Variants in BMERB1 observed in about 807,000 individuals in gnomAD.
The protein encoded by BMERB1 is bMERB domain containing 1.
BMERB1 carries 12 observed loss-of-function variants against 23.6 expected under a neutral mutation model. That is an observed-to-expected ratio of 0.51 (90% CI 0.33 to 0.82). The LOEUF (loss-of-function observed/expected upper bound fraction) is 0.82. Ranked by LOEUF, BMERB1 falls within the 40% of genes least tolerant of loss-of-function variation. BMERB1 has a pLI of 0.03. For missense variants in BMERB1, 247 were observed against 255.4 expected (o/e 0.97, Z 0.22); for synonymous variants, 122 against 96.6 (o/e 1.26, Z -1.54).
At position 15,530,746 on chromosome 16, in the gene BMERB1, G is replaced by T. The variant is rs2051958713; in HGVS notation, c.230+15318G>T. Among the ~76,000 whole-genome samples the T allele has an allele frequency of 1.3e-5, 2 of 152,104 alleles. 1 individual carries two copies. The highest frequency in any genetic ancestry group is 3.9e-4 in the East Asian group (2 of 5,188). ...TTATCATGATAGTGAGTTCTCATGAGATCTGATGGTTTTATAAGCATCTGG... is the reference window on the plus strand; with the variant it reads ...TTATCATGATAGTGAGTTCTCATGATATCTGATGGTTTTATAAGCATCTGG... On this transcript the variant is annotated intron_variant, in intron 2 of 5. Coordinates refer to ENST00000300006, the MANE Select transcript of BMERB1 (RefSeq NM_033201.3).
chr16:15,495,340 C>T (rs964785870), intron 1 of BMERB1, among the ~76,000 whole-genome samples: 10 of 152,010 alleles, frequency 6.6e-5, no homozygotes, highest in African/African-American at 1.4e-4. Context: ...GGACTGTAGG[C>T]GTGCACCACC....
At chr16:15,450,373 A>G (rs1164035463) in intron 1 of BMERB1, among the ~76,000 whole-genome samples, 2 of 152,186 alleles carry the variant, frequency 1.3e-5, no homozygotes, top group Non-Finnish European at 2.9e-5. Flanking sequence ...TCCTTAGCTC[A>G]AGGGCCATAG....
intron 1 of BMERB1, among the ~76,000 whole-genome samples, chr16:15,477,547 C>T (rs1170831749): frequency 6.6e-6 from 1 of 152,092 alleles, no homozygotes; most frequent in Non-Finnish European, 1.5e-5. Flanking sequence ...AAGAGGATTA[C>T]TTGAGCCTGG....
At chr16:15,527,384 C>T (rs1027507762) in intron 2 of BMERB1, among the ~76,000 whole-genome samples, 2 of 152,194 alleles carry the variant, frequency 1.3e-5, no homozygotes, top group Admixed American at 6.6e-5. Flanking sequence ...GTGGGTGGAT[C>T]GCCTGAGCTC....
chr16:15,518,129 T>A (rs2150953643), intron 2 of BMERB1, among the ~76,000 whole-genome samples: 1 of 152,316 alleles, frequency 6.6e-6, no homozygotes, highest in African/African-American at 2.4e-5. Context: ...CTAGCATTTC[T>A]TAAGAGGCAG....
intron 1 of BMERB1, among the ~76,000 whole-genome samples, chr16:15,481,315 AG>A (rs2051318712): frequency 6.6e-6 from 1 of 152,154 alleles, no homozygotes. Context: ...TCACGAGGTC[AG>A]GGGATCGAGA....
intron 2 of BMERB1, among the ~76,000 whole-genome samples, chr16:15,532,431 T>C (rs1036771027): frequency 2.6e-5 from 4 of 152,046 alleles, no homozygotes; most frequent in East Asian, 3.9e-4. Flanking sequence ...GGTTTCACCA[T>C]ATTGGCCGGG....
At chr16:15,497,919 C>T (rs368069492) in intron 1 of BMERB1, among the ~76,000 whole-genome samples, 3 of 152,196 alleles carry the variant, frequency 2.0e-5, no homozygotes, top group African/African-American at 7.2e-5. Context: ...GCACTCAATG[C>T]ATATCTCTCC....
At chr16:15,462,743 A>T (rs1482989381) in intron 1 of BMERB1, among the ~76,000 whole-genome samples, 1 of 152,160 alleles carries the variant, frequency 6.6e-6, no homozygotes, top group Non-Finnish European at 1.5e-5. Context: ...TGGAGAGAGG[A>T]GAAGCAATTG....
At chr16:15,436,031 T>C (rs2050885137) in intron 1 of BMERB1, among the ~76,000 whole-genome samples, 1 of 152,072 alleles carries the variant, frequency 6.6e-6, no homozygotes, top group Non-Finnish European at 1.5e-5. Flanking sequence ...GGGCTGAGGG[T>C]CTCTGTTTCT....
chr16:15,560,825 A>C (rs1472590408), intron 2 of BMERB1, among the ~76,000 whole-genome samples: 4 of 151,894 alleles, frequency 2.6e-5, no homozygotes, highest in Non-Finnish European at 4.4e-5. Flanking sequence ...ATAAATAAAA[A>C]TAAAAACTTT....
At position 15,527,337 on chromosome 16, in the gene BMERB1, G is replaced by T. The variant is rs1018619884; in HGVS notation, c.230+11909G>T. Among the ~76,000 whole-genome samples, 12 of 152,326 alleles carry T rather than the reference G, an allele frequency of 7.9e-5. 1 individual carries two copies. The highest frequency in any genetic ancestry group is 7.8e-4 in the Admixed American group (12 of 15,302). Reference sequence around the variant, plus strand: ...AACAGGAATCAGGCCAGGCGCTGTGGCTCACGCCTGTAATCCCAGCACTTT... The same window carrying T: ...AACAGGAATCAGGCCAGGCGCTGTGTCTCACGCCTGTAATCCCAGCACTTT... On this transcript the variant is annotated intron_variant, in intron 2 of 5. Transcript: ENST00000300006.
chr16:15,584,692 TTTC>T (rs1220013600), intron 5 of BMERB1, among the ~76,000 whole-genome samples: 1 of 152,114 alleles, frequency 6.6e-6, no homozygotes, highest in African/African-American at 2.4e-5. Context: ...CTCCCCTCCT[TTTC>T]TTCTTTTTCT....
intron 1 of BMERB1, among the ~76,000 whole-genome samples, chr16:15,496,196 A>G (rs1173826159): frequency 6.6e-6 from 1 of 151,302 alleles, no homozygotes; most frequent in Non-Finnish European, 1.5e-5. Context: ...TGGTGGTGAT[A>G]GTGATAGTGG....
At position 15,462,383 on chromosome 16, in the gene BMERB1, A is replaced by G. The variant is rs796191344; in HGVS notation, c.106+27624A>G. Reference sequence around the variant, plus strand: ...TGGCCAGGCTGGTCTTGAAGTCCTGACCTTGTGATCCGCCCGCCTTGGCCT... The same window carrying G: ...TGGCCAGGCTGGTCTTGAAGTCCTGGCCTTGTGATCCGCCCGCCTTGGCCT... On this transcript the variant is annotated intron_variant, in intron 1 of 5. Coordinates refer to ENST00000300006, the MANE Select transcript of BMERB1 (RefSeq NM_033201.3). Among the ~76,000 whole-genome samples, 40 of 151,712 alleles carry G rather than the reference A, an allele frequency of 2.6e-4. 1 individual carries two copies. Among genetic ancestry groups the G allele is most frequent in the African/African-American group, 9.2e-4 (38 of 41,350 alleles).
At chr16:15,549,313 C>A (rs2030012219) in intron 2 of BMERB1, among the ~76,000 whole-genome samples, 1 of 145,436 alleles carries the variant, frequency 6.9e-6, no homozygotes, top group South Asian at 2.2e-4. Context: ...CCACTGCATT[C>A]CAGCCTGGGC....
chr16:15,450,223 G>A (rs770113406), intron 1 of BMERB1, among the ~76,000 whole-genome samples: 56 of 151,944 alleles, frequency 3.7e-4, no homozygotes, highest in Non-Finnish European at 1.9e-4. Context: ...AGCTTGATTG[G>A]TGAGCACTGA....
At chr16:15,552,054 A>G (rs919241138) in intron 2 of BMERB1, among the ~76,000 whole-genome samples, 1 of 152,194 alleles carries the variant, frequency 6.6e-6, no homozygotes, top group Non-Finnish European at 1.5e-5. Flanking sequence ...ACCAAGGGCC[A>G]GTCTTCTATC....
chr16:15,541,943 G>T (rs2052087906), intron 2 of BMERB1, among the ~76,000 whole-genome samples: 2 of 139,180 alleles, frequency 1.4e-5, no homozygotes, highest in Admixed American at 7.6e-5. Flanking sequence ...ATGGAGTCTT[G>T]CTATGTTGTG....
Sources: gnomAD v4.1 joint callset for allele counts (sites outside exome capture counted in the v4.1 genomes callset) on GRCh38, gnomAD v4.1.1 for gene constraint, MANE v1.5 for transcripts, NCBI Gene and HGNC (gene_info 2026-07-23, HGNC 2026-07-21) for gene names.